Variants in SEMA4D observed in about 807,000 individuals in gnomAD.
The protein encoded by SEMA4D is semaphorin 4D, also known as semaphorin-4D.
A neutral mutation model predicts 74.8 loss-of-function variants in SEMA4D; 22 were observed. The observed-to-expected ratio is 0.29, with a 90% confidence interval of 0.21 to 0.42. The LOEUF is 0.42. SEMA4D is among the 10% of genes least tolerant of loss of function. SEMA4D has a pLI of 1.00. For synonymous variants in SEMA4D, 445 were observed against 463.7 expected (o/e 0.96, Z 0.52); for missense variants, 937 against 1,118.4 (o/e 0.84, Z 2.31).
chr9:89,408,691 G>A (rs935703329), intron 2 of SEMA4D, among the ~76,000 whole-genome samples: 2 of 152,130 alleles, frequency 1.3e-5, no homozygotes, highest in Admixed American at 1.3e-4. Context: ...GCAGGCCTGC[G>A]GCAGGCAGGG....
rs558627068 is a variant in SEMA4D, at chr9:89,385,113, G to A, written c.1446+1254C>T. 14 of 941,130 alleles carry A rather than the reference G, an allele frequency of 1.5e-5. No homozygotes were observed. In the Admixed American group the frequency reaches 2.5e-4, roughly 17 times the overall value. 58.3% of individuals were successfully genotyped at this position (941,130 alleles called of 1,614,324 possible). A position where few individuals can be genotyped will look rare whatever the true frequency, so the allele number is the denominator to read the frequency against. On this transcript the variant is annotated intron_variant, in intron 13 of 15. Transcript: ENST00000422704. The stretch of plus-strand genomic sequence containing the variant: ...GCTGCCCTGGTGTGGCCATGTGACC[G>A]AGTTCTGGGAGATGGCGGGTGGGCA...
At position 89,450,660 on chromosome 9, in the gene SEMA4D, G is replaced by GGAAAAAAAA. The variant is rs1491451024; in HGVS notation, c.-244+5227_-244+5228insTTTTTTTTC. ...GAGTTCTGCAAGTCGAAAAACCCAG[G>GGAAAAAAAA]AAAAAAAAAAAAAAAAAAAAAAAAA... On this transcript the variant is annotated intron_variant, in intron 2 of 15. Transcript: ENST00000422704. The GGAAAAAAAA allele has an allele frequency of 2.1e-3, 896 of 430,066 alleles. 98 individuals carry two copies. Among genetic ancestry groups the GGAAAAAAAA allele is most frequent in the Non-Finnish European group, 2.5e-3 (688 of 278,932 alleles). 26.6% of individuals were successfully genotyped at this position (430,066 alleles called of 1,614,324 possible).
intron 12 of SEMA4D, chr9:89,386,750 A>G (rs894935225): frequency 2.7e-6 from 1 of 364,266 alleles, no homozygotes; most frequent in African/African-American, 2.1e-5. Flanking sequence ...CCTCACCAAC[A>G]GTCGACATTA....
chr9:89,370,029 ATGC>A (rs1834301920), intron 16 of SEMA4D, among the ~76,000 whole-genome samples: 1 of 149,956 alleles, frequency 6.7e-6, no homozygotes, highest in Non-Finnish European at 1.5e-5. Context: ...TGTGTGTTGT[ATGC>A]TGTGCTGTGT....
In SEMA4D at chr9:89,464,117, C is replaced by T. The variant is rs150430675; in HGVS notation, c.-309-8164G>A. ...AAAAATGGAGAGTGTGACTCACCTT[C>T]CCCCACCCCCAAGAAAACTGCCACA... On this transcript the variant is annotated intron_variant, in intron 1 of 15. Transcript: ENST00000422704. 2.4e-3 allele frequency among the ~76,000 whole-genome samples: 365 copies of T among 152,154 alleles called. 1 individual carries two copies. The highest frequency in any genetic ancestry group is 8.4e-3 in the African/African-American group (348 of 41,512).
rs187206142 is a variant in SEMA4D, at chr9:89,472,673, C to T, written c.-309-16720G>A. Reference sequence around the variant, plus strand: ...AATATATGAAACTTCCTCAGCTGCGCGAAGGCCAATGTTACAAGTTAATCA... The same window carrying T: ...AATATATGAAACTTCCTCAGCTGCGTGAAGGCCAATGTTACAAGTTAATCA... On this transcript the variant is annotated intron_variant, in intron 1 of 15. Transcript: ENST00000422704. The T allele has an allele frequency of 3.1e-3, 510 of 164,752 alleles. 1 individual carries two copies. The highest frequency in any genetic ancestry group is 4.6e-3 in the Admixed American group (72 of 15,582). The allele number at this position is 164,752 out of a possible 1,614,324, so 10.2% of individuals were successfully genotyped here. A position where few individuals can be genotyped will look rare whatever the true frequency, so the allele number is the denominator to read the frequency against.
chr9:89,366,098 A>G (rs7468365), intron 16 of SEMA4D, among the ~76,000 whole-genome samples: 31,618 of 152,136 alleles, frequency 0.21, 3,792 homozygotes, highest in East Asian at 0.39. Flanking sequence ...AATGTCCAAG[A>G]AGGGGGCCAC....
rs1413417144 is a variant in SEMA4D at position 89,484,404 on chromosome 9, T to C, written c.-310+13515A>G. 6.6e-6 allele frequency among the ~76,000 whole-genome samples: 1 copy of C among 151,746 alleles called. No individual in the cohort carries two copies. Among genetic ancestry groups the C allele is most frequent in the Non-Finnish European group, 1.5e-5 (1 of 67,912 alleles). ...TGACTGTGTGGTGTTATGTGTGGGG[T>C]TTGATGTGTGGTGTGTGTGGTGTGT... On this transcript the variant is annotated intron_variant, in intron 1 of 15. Coordinates refer to ENST00000422704, the MANE Select transcript of SEMA4D (RefSeq NM_001371194.2). This position sits in a 1 kb window ranked among gnomAD's most constrained non-coding sequence, Gnocchi z 4.1.
intron 2 of SEMA4D, chr9:89,450,798 T>C (rs973578014): frequency 3.8e-6 from 3 of 791,498 alleles, no homozygotes; most frequent in Non-Finnish European, 6.1e-6. Flanking sequence ...CCTCATCCCC[T>C]TCCCACCACA....
At chr9:89,465,220 T>C (rs912547421) in intron 1 of SEMA4D, among the ~76,000 whole-genome samples, 2 of 152,044 alleles carry the variant, frequency 1.3e-5, no homozygotes, top group Non-Finnish European at 2.9e-5. Flanking sequence ...AAAGAGCCCT[T>C]AGTCCGGTGC....
Position 89,395,693 on chromosome 9 carries a change from G to A in SEMA4D, c.414+1044C>T, listed in dbSNP as rs139699245. On this transcript the variant is annotated intron_variant, in intron 6 of 15. Coordinates refer to ENST00000422704, the MANE Select transcript of SEMA4D (RefSeq NM_001371194.2). ...GCACCCCCACCCCCTATCAGGTTTC[G>A]TTGCCAGCATCTGTGGTACAGGCAG... 3.7e-3 allele frequency among the ~76,000 whole-genome samples: 564 copies of A among 152,154 alleles called. 1 individual carries two copies. Among genetic ancestry groups the A allele is most frequent in the African/African-American group, 0.013 (532 of 41,492 alleles).
chr9:89,430,368 C>G (rs1366487113), intron 2 of SEMA4D, among the ~76,000 whole-genome samples: 1 of 152,176 alleles, frequency 6.6e-6, no homozygotes, highest in Non-Finnish European at 1.5e-5. Flanking sequence ...AGATGCCCTC[C>G]AAGCTTCAGA....
intron 6 of SEMA4D, among the ~76,000 whole-genome samples, chr9:89,396,284 G>GT (rs1342741455): frequency 6.6e-6 from 1 of 152,216 alleles, no homozygotes; most frequent in East Asian, 1.9e-4. Flanking sequence ...CCAGGAGCAA[G>GT]TCCTGACTTT....
chr9:89,457,974 A>G (rs997807264), intron 1 of SEMA4D, among the ~76,000 whole-genome samples: 21 of 152,308 alleles, frequency 1.4e-4, no homozygotes, highest in African/African-American at 4.1e-4. Flanking sequence ...CGGAGGTTGC[A>G]GTGAGCCAAG....
intron 1 of SEMA4D, among the ~76,000 whole-genome samples, chr9:89,459,145 CTGTGGTCAGTGGT>C (rs909197771): frequency 6.6e-6 from 1 of 152,236 alleles, no homozygotes; most frequent in Non-Finnish European, 1.5e-5. Context: ...CCCCATGTGC[CTGTGGTCAGTGGT>C]TCTCATACTG....
intron 13 of SEMA4D, among the ~76,000 whole-genome samples, chr9:89,382,837 T>C (rs1022833882): frequency 5.9e-5 from 9 of 151,680 alleles, no homozygotes; most frequent in African/African-American, 2.2e-4. Context: ...GGTGGCCAAG[T>C]GGGGCCCGCC....
At chr9:89,446,778 G>C (rs540311638) in intron 2 of SEMA4D, among the ~76,000 whole-genome samples, 14 of 152,236 alleles carry the variant, frequency 9.2e-5, no homozygotes, top group African/African-American at 3.1e-4. Flanking sequence ...GCACACTGGC[G>C]GGGGAGGACA....
Position 89,381,199 on chromosome 9 carries a change from G to C in SEMA4D, c.1594C>G (p.Leu532Val), listed in dbSNP as rs62638723. 6.6e-4 allele frequency: 1,067 copies of C among 1,611,262 alleles called. 8 individuals carry two copies. The African/African-American group carries it at 0.013, about 20-fold the overall frequency. ...CTGCTGGGGCTCTCGGTCTGGTGCAGAGCCACGCAGGTCGCTGTGGGCGGG... is the reference window on the plus strand; with the variant it reads ...CTGCTGGGGCTCTCGGTCTGGTGCACAGCCACGCAGGTCGCTGTGGGCGGG... Reference protein sequence around the residue: ...WSPPTATCVALHQTESPSRGL... With the variant: ...WSPPTATCVAVHQTESPSRGL... The change falls in exon 14 of 16, where the codon CTG becomes GTG. Residue 532 changes from leucine to valine, a missense_variant. Physicochemically the swap from Leu to Val is conservative, Grantham distance 32. Coordinates refer to ENST00000422704, the MANE Select transcript of SEMA4D (RefSeq NM_001371194.2). The surrounding 1 kb of genome is among the most constrained non-coding windows in gnomAD (Gnocchi z 4.6).
downstream of SEMA4D, chr9:89,376,761 C>A (rs916892702): frequency 8.7e-6 from 13 of 1,492,316 alleles, no homozygotes; most frequent in Admixed American, 2.7e-4. Context: ...GTGGAGGATG[C>A]CCCCGCCCGC....
Sources: gnomAD v4.1 joint callset for allele counts (sites outside exome capture counted in the v4.1 genomes callset) on GRCh38, gnomAD v4.1.1 for gene constraint, Gnocchi (gnomAD v3.1) non-coding constraint, MANE v1.5 for transcripts, NCBI Gene and HGNC (gene_info 2026-07-23, HGNC 2026-07-21) for gene names.